The following POMGNT2 variants were observed in gnomAD, a reference collection of about 807,000 sequenced individuals.
POMGNT2 encodes the protein protein O-linked mannose N-acetylglucosaminyltransferase 2 (beta 1,4-).
POMGNT2 carries 32 observed loss-of-function variants against 37.8 expected under a neutral mutation model. That is an observed-to-expected ratio of 0.85 (90% CI 0.64 to 1.14). The LOEUF (loss-of-function observed/expected upper bound fraction) is 1.14. Among genes scored for constraint, POMGNT2 ranks in the 50% most tolerant of loss-of-function variants. POMGNT2 has a pLI of 0.00. For synonymous variants in POMGNT2, 340 were observed against 336.8 expected (o/e 1.01, Z -0.10); for missense variants, 705 against 780.6 (o/e 0.90, Z 1.15).
At chr3:43,102,414 T>C (rs1405900298) in intron 1 of POMGNT2, among the ~76,000 whole-genome samples, 2 of 152,076 alleles carry the variant, frequency 1.3e-5, no homozygotes, top group South Asian at 4.1e-4. Context: ...ACTGGCAGAG[T>C]GAAAGATCTG....
intron 1 of POMGNT2, among the ~76,000 whole-genome samples, chr3:43,096,625 C>G (rs2089981608): frequency 6.6e-6 from 1 of 152,156 alleles, no homozygotes; most frequent in Admixed American, 6.5e-5. Flanking sequence ...CCACACAGAC[C>G]AGGGTACTTC....
At position 43,080,822 on chromosome 3, in the gene POMGNT2, C is replaced by T. The variant is rs761923554; in HGVS notation, c.610G>A (p.Asp204Asn). 2.9e-5 allele frequency: 47 copies of T among 1,613,840 alleles called. No homozygotes were observed. The highest frequency in any genetic ancestry group is 5.3e-5 in the African/African-American group (4 of 74,902). Residue 204 changes from aspartate to asparagine, a missense_variant, in exon 2 of 2, where the codon GAC (aspartate) becomes AAC (asparagine). Asp to Asn is a conservative substitution (Grantham distance 23). Transcript: ENST00000344697. ...TTGGGGCTGAGCAGCTTGTAGAGGTCGAAGTGTGCACCCTCGCCCCAGCCC... is the reference window on the plus strand; with the variant it reads ...TTGGGGCTGAGCAGCTTGTAGAGGTTGAAGTGTGCACCCTCGCCCCAGCCC... ...MEGWGEGAHF[D>N]LYKLLSPKQP... is the part of the protein sequence containing the mutation.
Position 43,081,750 on chromosome 3 carries a change from T to A in POMGNT2, c.-105-214A>T, listed in dbSNP as rs542613287. On this transcript the variant is annotated intron_variant, in intron 1 of 1. Coordinates refer to ENST00000344697, the MANE Select transcript of POMGNT2 (RefSeq NM_032806.6). Reference sequence around the variant, plus strand: ...CATCGCCTCCATGTTGGAAAGTGCATCCCCACACCCGACTTTGGGCTTAGC... The same window carrying A: ...CATCGCCTCCATGTTGGAAAGTGCAACCCCACACCCGACTTTGGGCTTAGC... Among the ~76,000 whole-genome samples, 8 of 152,324 alleles carry A rather than the reference T, an allele frequency of 5.3e-5. No individual in the cohort carries two copies. The South Asian group carries it at 1.2e-3, about 24-fold the overall frequency.
intron 1 of POMGNT2, among the ~76,000 whole-genome samples, chr3:43,089,581 C>G (rs1004637403): frequency 6.6e-6 from 1 of 152,032 alleles, no homozygotes; most frequent in Non-Finnish European, 1.5e-5. Context: ...TAGGAGCTCC[C>G]AAGCTCAGAG....
chr3:43,086,428 A>AT (rs2125704400), intron 1 of POMGNT2, among the ~76,000 whole-genome samples: 1 of 152,316 alleles, frequency 6.6e-6, no homozygotes, highest in East Asian at 1.9e-4. Flanking sequence ...CATGTTAGTT[A>AT]TGCCTTATTA....
rs1269692745 is a variant in POMGNT2, at chr3:43,081,053, T to C, written c.379A>G (p.Thr127Ala). Residue 127 changes from threonine (T) to alanine (A), a missense_variant, in exon 2 of 2, where the codon ACT (threonine) becomes GCT (alanine). Thr to Ala is a moderately conservative substitution (Grantham distance 58, BLOSUM62 0). Coordinates refer to ENST00000344697, the MANE Select transcript of POMGNT2 (RefSeq NM_032806.6). ...LDLSTVEDHN[T>A]QYFNFVELPA... ...AGCTCCACGAAGTTGAAGTACTGAGTGTTGTGGTCCTCCACGGTGGATAGG... is the reference window on the plus strand; with the variant it reads ...AGCTCCACGAAGTTGAAGTACTGAGCGTTGTGGTCCTCCACGGTGGATAGG... 6 of 1,613,774 alleles carry C rather than the reference T, an allele frequency of 3.7e-6. No individual in the cohort carries two copies. The highest frequency in any genetic ancestry group is 1.7e-5 in the Admixed American group (1 of 59,986).
At chr3:43,082,537 G>A (rs999735337) in intron 1 of POMGNT2, among the ~76,000 whole-genome samples, 30 of 152,332 alleles carry the variant, frequency 2.0e-4, no homozygotes, top group African/African-American at 7.0e-4. Flanking sequence ...GGCCTGGCTA[G>A]GGGTAAGCAT....
At chr3:43,086,975 T>C (rs1006010858) in intron 1 of POMGNT2, among the ~76,000 whole-genome samples, 2 of 152,118 alleles carry the variant, frequency 1.3e-5, no homozygotes, top group Non-Finnish European at 2.9e-5. Flanking sequence ...AAATCCAATG[T>C]GACTACCCTT....
intron 1 of POMGNT2, among the ~76,000 whole-genome samples, chr3:43,082,687 G>T (rs1049641753): frequency 4.6e-5 from 7 of 152,212 alleles, no homozygotes; most frequent in Non-Finnish European, 1.0e-4. Flanking sequence ...GCACTGCACC[G>T]GGAGGGAGTA....
At chr3:43,097,426 G>C (rs1413263894) in intron 1 of POMGNT2, among the ~76,000 whole-genome samples, 1 of 151,844 alleles carries the variant, frequency 6.6e-6, no homozygotes, top group African/African-American at 2.4e-5. Context: ...TTGGTTTCTG[G>C]TGAGGCTTCT....
At chr3:43,090,843 G>A (rs1257841115) in intron 1 of POMGNT2, among the ~76,000 whole-genome samples, 2 of 152,208 alleles carry the variant, frequency 1.3e-5, no homozygotes, top group African/African-American at 4.8e-5. Flanking sequence ...GAAGGCACCA[G>A]GGAGGAACAT....
At chr3:43,086,040 A>G (rs1172710180) in intron 1 of POMGNT2, among the ~76,000 whole-genome samples, 1 of 150,158 alleles carries the variant, frequency 6.7e-6, no homozygotes, top group Non-Finnish European at 1.5e-5. Flanking sequence ...TTTTAGCTAT[A>G]TTAGTAAAAG....
At chr3:43,089,276 G>T (rs2089923649) in intron 1 of POMGNT2, among the ~76,000 whole-genome samples, 1 of 152,192 alleles carries the variant, frequency 6.6e-6, no homozygotes, top group African/African-American at 2.4e-5. Flanking sequence ...CAAGTCCTCT[G>T]GCGTGGCTGT....
In POMGNT2 at chr3:43,080,766, G is replaced by T; in HGVS notation, c.666C>A (p.Thr222=). 1 of 1,614,120 alleles carries T rather than the reference G, an allele frequency of 6.2e-7. No individual in the cohort carries two copies. Among genetic ancestry groups the T allele is most frequent in the Non-Finnish European group, 8.5e-7 (1 of 1,180,038 alleles). Residue 222 remains threonine (T), a synonymous_variant, in exon 2 of 2, where the codon ACC becomes ACA. Transcript: ENST00000344697. ...GGGAGAAGCACAGCAGCCGGCCCAG[G>T]GTCTTCAGCTGTGCCCGCAGGAGAG... The part of the protein sequence containing the change: ...KQPLLRAQLK[T]LGRLLCFSHA...
intron 1 of POMGNT2, among the ~76,000 whole-genome samples, 178 bp from the exon 2 acceptor site, chr3:43,081,714 C>T (rs974191619): frequency 6.6e-6 from 1 of 152,206 alleles, no homozygotes; most frequent in Non-Finnish European, 1.5e-5. Context: ...TTAAAATATT[C>T]TCTCCCTCCC....
At chr3:43,093,727 T>C (rs2089960427) in intron 1 of POMGNT2, among the ~76,000 whole-genome samples, 1 of 152,132 alleles carries the variant, frequency 6.6e-6, no homozygotes, top group Admixed American at 6.5e-5. Flanking sequence ...GTTCCCAGGG[T>C]TCCCCAGTGG....
intron 1 of POMGNT2, among the ~76,000 whole-genome samples, chr3:43,099,750 A>G (rs2090004237): frequency 6.6e-6 from 1 of 151,940 alleles, no homozygotes; most frequent in African/African-American, 2.4e-5. Flanking sequence ...ATACCCAGGG[A>G]CCCTGAGATC....
chr3:43,106,040 TGCGCCTGCCCGGCGGGCGAGCCCGGCGC>T lies in POMGNT2; in HGVS notation c.-338_-311del, dbSNP rs1179076126. 7.3e-5 allele frequency: 11 copies of T among 151,652 alleles called. No homozygotes were observed. The highest frequency in any genetic ancestry group is 6.2e-4 in the South Asian group (3 of 4,822). 9.4% of individuals were successfully genotyped at this position (151,652 alleles called of 1,614,324 possible). Reference sequence around the variant, plus strand: ...CCTCCAGGCTCGCAGGTGTCCGCCGTGCGCCTGCCCGGCGGGCGAGCCCGGCGCGGAGCCTGTGCGCCTGCGCAGAGCC... The same window carrying T: ...CCTCCAGGCTCGCAGGTGTCCGCCGTGGAGCCTGTGCGCCTGCGCAGAGCC... On this transcript the variant is annotated 5_prime_UTR_variant, in exon 1 of 2. Coordinates refer to ENST00000344697, the MANE Select transcript of POMGNT2 (RefSeq NM_032806.6).
At position 43,079,570 on chromosome 3, in the gene POMGNT2, T is replaced by C; in HGVS notation, c.*119A>G. The C allele has an allele frequency of 3.5e-6, 3 of 857,562 alleles. No individual in the cohort carries two copies. The highest frequency in any genetic ancestry group is 1.8e-5 in the South Asian group (1 of 56,852). The allele number at this position is 857,562 out of a possible 1,614,324, so 53.1% of individuals were successfully genotyped here. Reference sequence around the variant, plus strand: ...CCACACCCCAGAGACAACAAGATGATGTGGAGGCACAGGCCTGCTCAATAA... The same window carrying C: ...CCACACCCCAGAGACAACAAGATGACGTGGAGGCACAGGCCTGCTCAATAA... On this transcript the variant is annotated 3_prime_UTR_variant, in exon 2 of 2. Coordinates refer to ENST00000344697, the MANE Select transcript of POMGNT2 (RefSeq NM_032806.6).
Sources: gnomAD v4.1 joint callset for allele counts (sites outside exome capture counted in the v4.1 genomes callset) on GRCh38, gnomAD v4.1.1 for gene constraint, MANE v1.5 for transcripts, NCBI Gene and HGNC (gene_info 2026-07-23, HGNC 2026-07-21) for gene names.